SLC9A8: variants seen among roughly 807,000 people sequenced by gnomAD.
SLC9A8 encodes the protein sodium/hydrogen exchanger 8.
Under a neutral mutation model 66.6 loss-of-function variants are expected in SLC9A8, and 48 were observed. The ratio of observed to expected loss-of-function variants is 0.72; its 90% CI spans 0.57 to 0.92. The LOEUF is 0.92. SLC9A8 is among the 40% of genes least tolerant of loss of function. SLC9A8 has a pLI of 0.00. For synonymous variants in SLC9A8, 274 were observed against 282.6 expected, an observed-to-expected ratio of 0.97 and a Z score of 0.31; for missense variants, 599 against 747.3, an observed-to-expected ratio of 0.80 and a Z score of 2.31.
intron 12 of SLC9A8, 59 bp downstream of exon 12, chr20:49,878,122 A>G (rs1465706337): frequency 3.9e-6 from 4 of 1,013,258 alleles, no homozygotes; most frequent in Non-Finnish European, 5.8e-6. Context: ...CAATAAACAC[A>G]TGTTCCGGAT....
chr20:49,821,318 G>GT lies in SLC9A8; in HGVS notation c.209-1737dup, dbSNP rs1201858857. Among the ~76,000 whole-genome samples the GT allele has an allele frequency of 2.6e-5, 4 of 152,172 alleles. No individual in the cohort carries two copies. In the East Asian group the frequency reaches 7.7e-4, roughly 29 times the overall value. On this transcript the variant is annotated intron_variant, in intron 2 of 15. Coordinates refer to ENST00000361573, the MANE Select transcript of SLC9A8 (RefSeq NM_015266.3). ...CTGTCCACTTATGTGCTTATTTGCC[G>GT]TTTTTTGTTTTGTCTAGACATTGGG...
intron 8 of SLC9A8, among the ~76,000 whole-genome samples, chr20:49,856,189 C>G (rs1373332718): frequency 6.6e-6 from 1 of 152,142 alleles, no homozygotes; most frequent in African/African-American, 2.4e-5. Context: ...TTCCTAGGCC[C>G]CACCCTCAGA....
chr20:49,872,115 ATC>A (rs1307313444), intron 10 of SLC9A8, among the ~76,000 whole-genome samples: 3 of 152,204 alleles, frequency 2.0e-5, no homozygotes, highest in African/African-American at 4.8e-5. Flanking sequence ...GTGAAACTCC[ATC>A]TCAAAGGAAA....
chr20:49,816,616 C>T (rs1270851701), intron 2 of SLC9A8, among the ~76,000 whole-genome samples: 2 of 151,970 alleles, frequency 1.3e-5, no homozygotes, highest in African/African-American at 4.8e-5. Context: ...TCCCAGTGTG[C>T]CTCCATCTCA....
At chr20:49,858,059 G>A (rs904722210) in intron 8 of SLC9A8, among the ~76,000 whole-genome samples, 7 of 152,144 alleles carry the variant, frequency 4.6e-5, no homozygotes, top group Non-Finnish European at 1.0e-4. Context: ...TGATAATTTG[G>A]TGTAAATATA....
chr20:49,872,659 G>A (rs2089259293), intron 10 of SLC9A8, among the ~76,000 whole-genome samples: 1 of 151,964 alleles, frequency 6.6e-6, no homozygotes, highest in Admixed American at 6.6e-5. Flanking sequence ...CTAATTTTTT[G>A]TATTTTTAGT....
intron 10 of SLC9A8, among the ~76,000 whole-genome samples, chr20:49,865,962 C>A (rs191705119): frequency 6.6e-6 from 1 of 152,182 alleles, no homozygotes. Flanking sequence ...TTATTAACTT[C>A]GTTGAGGTAT....
At chr20:49,881,095 A>G in intron 13 of SLC9A8, 60 bp downstream of exon 13, 1 of 1,209,244 alleles carries the variant, frequency 8.3e-7, no homozygotes, top group Non-Finnish European at 1.2e-6. Context: ...CGCCCCATAC[A>G]GGGAGAGCTG....
At chr20:49,814,038 G>T (rs974424630) in intron 1 of SLC9A8, among the ~76,000 whole-genome samples, 5 of 152,142 alleles carry the variant, frequency 3.3e-5, no homozygotes, top group African/African-American at 1.2e-4. Context: ...ATTGATACTG[G>T]AGTCCTTCAC....
At position 49,865,113 on chromosome 20, in the gene SLC9A8, C is replaced by T. The variant is rs1362810945; in HGVS notation, c.958+269C>T. On this transcript the variant is annotated intron_variant, in intron 10 of 15. Coordinates refer to ENST00000361573, the MANE Select transcript of SLC9A8 (RefSeq NM_015266.3). ...TTTAGCCCATCAGTCCTGTGAGGCT[C>T]CCTCAGAGGAGGGTAGCCTTGTAGG... Among the ~76,000 whole-genome samples, 3 of 152,202 alleles carry T rather than the reference C, an allele frequency of 2.0e-5. No individual in the cohort carries two copies. In the South Asian group the frequency reaches 6.2e-4, roughly 32 times the overall value.
intron 4 of SLC9A8, among the ~76,000 whole-genome samples, chr20:49,842,241 T>A (rs928079669): frequency 2.0e-5 from 3 of 151,168 alleles, no homozygotes; most frequent in African/African-American, 7.3e-5. Context: ...GGCTAATTTT[T>A]GTATTTTTAG....
chr20:49,834,299 C>CTATATA, intron 3 of SLC9A8, among the ~76,000 whole-genome samples: 1 of 135,546 alleles, frequency 7.4e-6, no homozygotes, highest in South Asian at 2.4e-4. Flanking sequence ...TATACACACA[C>CTATATA]TATATATACA....
chr20:49,815,023 A>G lies in SLC9A8; in HGVS notation c.42A>G (p.Thr14=). 6.3e-7 allele frequency: 1 copy of G among 1,581,026 alleles called. No individual in the cohort carries two copies. Among genetic ancestry groups the G allele is most frequent in the Non-Finnish European group, 8.6e-7 (1 of 1,161,768 alleles). Residue 14 remains threonine (T), a synonymous_variant, in exon 2 of 16, where the codon ACA becomes ACG. Coordinates refer to ENST00000361573, the MANE Select transcript of SLC9A8 (RefSeq NM_015266.3). ...TGTCCTCCAGGAGGTTCCCCAATACAACTCATGAGGGTTTCAATGTCACCC... is the reference window on the plus strand; with the variant it reads ...TGTCCTCCAGGAGGTTCCCCAATACGACTCATGAGGGTTTCAATGTCACCC... ...KMAEEERFPN[T]THEGFNVTLH...
At chr20:49,858,061 G>A (rs979547532) in intron 8 of SLC9A8, among the ~76,000 whole-genome samples, 8 of 152,186 alleles carry the variant, frequency 5.3e-5, no homozygotes, top group Non-Finnish European at 8.8e-5. Context: ...ATAATTTGGT[G>A]TAAATATATA....
chr20:49,855,489 C>T lies in SLC9A8; in HGVS notation c.621C>T (p.Ala207=), dbSNP rs1437603199. The T allele has an allele frequency of 5.0e-6, 8 of 1,614,082 alleles. No individual in the cohort carries two copies. Among genetic ancestry groups the T allele is most frequent in the Non-Finnish European group, 6.8e-6 (8 of 1,180,032 alleles). The change falls in exon 8 of 16, where the codon GCC becomes GCT. Residue 207 remains alanine, a synonymous_variant. Coordinates refer to ENST00000361573, the MANE Select transcript of SLC9A8 (RefSeq NM_015266.3). ...CTGTCGATCCAGTGGCCACTATTGC[C>T]ATTTTCAATGCACTTCATGTGGACC... ...ISAVDPVATI[A]IFNALHVDPV... is the part of the protein sequence containing the mutation.
intron 3 of SLC9A8, chr20:49,829,692 A>G (rs2087091580): frequency 2.1e-6 from 1 of 480,514 alleles, no homozygotes; most frequent in Non-Finnish European, 4.1e-6. Context: ...GGATGCCGCC[A>G]AAGAGTTTCT....
intron 10 of SLC9A8, among the ~76,000 whole-genome samples, chr20:49,869,166 C>T (rs1487161111): frequency 6.6e-6 from 1 of 152,118 alleles, no homozygotes; most frequent in Non-Finnish European, 1.5e-5. Flanking sequence ...GAGGAGGGGA[C>T]TTTGGGCTTG....
chr20:49,817,282 A>T (rs2146440833), intron 2 of SLC9A8, among the ~76,000 whole-genome samples: 1 of 151,908 alleles, frequency 6.6e-6, no homozygotes, highest in Non-Finnish European at 1.5e-5. Context: ...GCGCCACTGC[A>T]CTCCAGCCTG....
intron 2 of SLC9A8, among the ~76,000 whole-genome samples, chr20:49,816,094 C>T (rs775665562): frequency 5.3e-5 from 8 of 152,144 alleles, no homozygotes; most frequent in Non-Finnish European, 1.2e-4. Flanking sequence ...TAGTTATGTA[C>T]TATTTTTGAT....
Sources: gnomAD v4.1 joint callset for allele counts (sites outside exome capture counted in the v4.1 genomes callset) on GRCh38, gnomAD v4.1.1 for gene constraint, MANE v1.5 for transcripts, NCBI Gene and HGNC (gene_info 2026-07-23, HGNC 2026-07-21) for gene names.